Variants in CPEB1 observed in about 807,000 individuals in gnomAD.
CPEB1 encodes cytoplasmic polyadenylation element binding protein 1.
A neutral mutation model predicts 65.8 loss-of-function variants in CPEB1; 7 were observed. The ratio of observed to expected loss-of-function variants is 0.11; its 90% CI spans 0.06 to 0.20. CPEB1 has a LOEUF of 0.20. Ranked by LOEUF, CPEB1 falls within the 10% of genes least tolerant of loss-of-function variation. The pLI is 1.00. For synonymous variants in CPEB1, 262 were observed against 260.0 expected (o/e 1.01, Z -0.08); for missense variants, 551 against 712.2 (o/e 0.77, Z 2.58).
intron 3 of CPEB1, among the ~76,000 whole-genome samples, chr15:82,591,819 CATT>C (rs1160978709): frequency 1.3e-4 from 19 of 150,290 alleles, no homozygotes; most frequent in South Asian, 4.3e-4. Context: ...TAAGATTCAT[CATT>C]GTTTTAGTTT....
At chr15:82,547,093 C>G in intron 11 of CPEB1, 50 bp downstream of exon 11, 1 of 1,345,436 alleles carries the variant, frequency 7.4e-7, no homozygotes, top group Non-Finnish European at 1.1e-6. Context: ...AGTAACTGCC[C>G]AAACCCCTCT....
At chr15:82,599,004 G>A (rs1319192044) in intron 3 of CPEB1, among the ~76,000 whole-genome samples, 1 of 152,072 alleles carries the variant, frequency 6.6e-6, no homozygotes, top group East Asian at 1.9e-4. Context: ...GGATAATAAA[G>A]CCAAGAGAAC....
At chr15:82,591,583 A>T (rs76312428) in intron 3 of CPEB1, among the ~76,000 whole-genome samples, 1,978 of 151,886 alleles carry the variant, frequency 0.013, 36 homozygotes, top group African/African-American at 0.044. Flanking sequence ...TCTCTCTCCA[A>T]TGATCAGTTA....
At chr15:82,626,560 C>A (rs1378253791) in intron 3 of CPEB1, among the ~76,000 whole-genome samples, 2 of 152,230 alleles carry the variant, frequency 1.3e-5, no homozygotes, top group Non-Finnish European at 2.9e-5. Flanking sequence ...GACATCCACA[C>A]CTCTTGGAAA....
intron 3 of CPEB1, among the ~76,000 whole-genome samples, chr15:82,580,408 A>G (rs2041165145): frequency 6.6e-6 from 1 of 152,188 alleles, no homozygotes; most frequent in Admixed American, 6.5e-5. Context: ...TAAAATAGAT[A>G]ATAGGTCTCA....
chr15:82,577,420 C>G (rs2040776762), intron 3 of CPEB1, among the ~76,000 whole-genome samples: 2 of 152,070 alleles, frequency 1.3e-5, no homozygotes, highest in Non-Finnish European at 2.9e-5. Context: ...AAATGTTGCA[C>G]AAAAACTATT....
intron 5 of CPEB1, 135 bp downstream of exon 5, chr15:82,557,625 C>G (rs2037454472): frequency 1.4e-6 from 1 of 709,204 alleles, no homozygotes; most frequent in Non-Finnish European, 2.4e-6. Flanking sequence ...ACAATAATCT[C>G]CACTCCTCCC....
chr15:82,610,981 A>AAAAAAAAAAAAAAAAAAAAAAAAAAAAG (rs1567220262), intron 3 of CPEB1, among the ~76,000 whole-genome samples: 1 of 135,130 alleles, frequency 7.4e-6, no homozygotes, highest in Non-Finnish European at 1.5e-5. Context: ...AAAAAAAAAA[A>AAAAAAAAAAAAAAAAAAAAAAAAAAAAG]AAAAAAAGAA....
intron 3 of CPEB1, among the ~76,000 whole-genome samples, chr15:82,577,166 A>G (rs1331358805): frequency 6.6e-6 from 1 of 152,222 alleles, no homozygotes; most frequent in Non-Finnish European, 1.5e-5. Context: ...GCATGTTGGC[A>G]AAGGTGTGTT....
At chr15:82,621,555 T>G (rs1377664552) in intron 3 of CPEB1, among the ~76,000 whole-genome samples, 2 of 151,570 alleles carry the variant, frequency 1.3e-5, no homozygotes, top group Non-Finnish European at 2.9e-5. Context: ...CGGGCAGAGG[T>G]TGCGGTGAGC....
chr15:82,642,351 G>A (rs1019940937), intron 1 of CPEB1, among the ~76,000 whole-genome samples: 1 of 152,166 alleles, frequency 6.6e-6, no homozygotes, highest in Non-Finnish European at 1.5e-5. Context: ...CCGAGGATAA[G>A]CCTGGCCAAC....
chr15:82,644,590 A>C (rs2047352384), intron 1 of CPEB1, among the ~76,000 whole-genome samples: 1 of 152,190 alleles, frequency 6.6e-6, no homozygotes, highest in African/African-American at 2.4e-5. Flanking sequence ...CCATCAAAAT[A>C]GAGATAGCCA....
At chr15:82,632,681 A>AT (rs574394128) in intron 1 of CPEB1, among the ~76,000 whole-genome samples, 67 of 148,146 alleles carry the variant, frequency 4.5e-4, no homozygotes, top group African/African-American at 1.3e-3. Context: ...TGCCCAGCTA[A>AT]TTTTTTTTTT....
At chr15:82,592,847 A>C (rs2042368850) in intron 3 of CPEB1, among the ~76,000 whole-genome samples, 1 of 151,954 alleles carries the variant, frequency 6.6e-6, no homozygotes, top group African/African-American at 2.4e-5. Flanking sequence ...ATACAAAAAA[A>C]TTAGCCGGGC....
chr15:82,582,728 C>A (rs990578387), intron 3 of CPEB1, among the ~76,000 whole-genome samples: 2 of 146,264 alleles, frequency 1.4e-5, no homozygotes, highest in African/African-American at 5.1e-5. Context: ...TCCCATCATA[C>A]TAGGAGTTCT....
chr15:82,621,252 G>C (rs970107104), intron 3 of CPEB1, among the ~76,000 whole-genome samples: 1 of 152,086 alleles, frequency 6.6e-6, no homozygotes, highest in African/African-American at 2.4e-5. Context: ...GGGAGGCTGA[G>C]GCAGGAGGAT....
At position 82,607,417 on chromosome 15, in the gene CPEB1, G is replaced by A. The variant is rs559204094; in HGVS notation, c.271+19776C>T. On this transcript the variant is annotated intron_variant, in intron 3 of 12. Transcript: ENST00000684509. The stretch of plus-strand genomic sequence containing the variant: ...AGCCTGGCCAACATGGTGAAACCCC[G>A]TCTCTACTAAAAATACAAAAATTAC... Among the ~76,000 whole-genome samples, 10 of 152,112 alleles carry A rather than the reference G, an allele frequency of 6.6e-5. No homozygotes were observed. The South Asian group carries it at 1.5e-3, about 22-fold the overall frequency.
At chr15:82,639,950 T>C (rs1490821028) in intron 1 of CPEB1, among the ~76,000 whole-genome samples, 1 of 152,166 alleles carries the variant, frequency 6.6e-6, no homozygotes, top group Non-Finnish European at 1.5e-5. Flanking sequence ...TTAAACTATG[T>C]CCTGTTTAAC....
chr15:82,556,214 G>A lies in CPEB1; in HGVS notation c.688-92C>T, dbSNP rs1596010535. 7 of 1,338,366 alleles carry A rather than the reference G, an allele frequency of 5.2e-6. No individual in the cohort carries two copies. In the East Asian group the frequency reaches 1.9e-4, roughly 36 times the overall value. The allele number at this position is 1,338,366 out of a possible 1,614,324, so 82.9% of individuals were successfully genotyped here. On this transcript the variant is annotated intron_variant, in intron 5 of 12. Coordinates refer to ENST00000684509, the MANE Select transcript of CPEB1 (RefSeq NM_001365242.1). ...TAGAAATTATTAAAAACATCCAATA[G>A]ACATTTAGCATTTGATATATATTCT...
Sources: gnomAD v4.1 joint callset for allele counts (sites outside exome capture counted in the v4.1 genomes callset) on GRCh38, gnomAD v4.1.1 for gene constraint, MANE v1.5 for transcripts, NCBI Gene and HGNC (gene_info 2026-07-23, HGNC 2026-07-21) for gene names.